NRXN3: variants seen among roughly 807,000 people sequenced by gnomAD.
NRXN3 encodes the protein neurexin III.
A neutral mutation model predicts 137.6 loss-of-function variants in NRXN3; 32 were observed. The observed-to-expected ratio is 0.23, with a 90% CI of 0.18 to 0.31. The LOEUF (loss-of-function observed/expected upper bound fraction) is 0.31, where lower values mean the gene tolerates loss of function less well. Among genes scored for constraint, NRXN3 ranks in the 10% least tolerant of loss-of-function variants. The pLI is 1.00. For synonymous variants in NRXN3, 798 were observed against 784.5 expected, an observed-to-expected ratio of 1.02 and a Z score of -0.29; for missense variants, 1,574 against 2,062.5, an observed-to-expected ratio of 0.76 and a Z score of 4.59.
At chr14:78,469,774 C>T (rs1449443168) in intron 4 of NRXN3, among the ~76,000 whole-genome samples, 2 of 152,206 alleles carry the variant, frequency 1.3e-5, no homozygotes, top group Admixed American at 6.5e-5. Context: ...GCTTTCTTTA[C>T]AGTAGCACCT....
chr14:78,555,585 C>A (rs1197858086), intron 4 of NRXN3, among the ~76,000 whole-genome samples: 2 of 152,216 alleles, frequency 1.3e-5, no homozygotes, highest in Non-Finnish European at 2.9e-5. Flanking sequence ...TTGACTTGAA[C>A]AGTCACCAGG....
At chr14:78,219,836 A>C (rs1190285818) in intron 1 of NRXN3, among the ~76,000 whole-genome samples, 1 of 152,128 alleles carries the variant, frequency 6.6e-6, no homozygotes, top group Admixed American at 6.5e-5. Context: ...AAGGAGAGAG[A>C]GGTTGGAAGT....
At chr14:79,419,167 C>T (rs1055988741) in intron 15 of NRXN3, among the ~76,000 whole-genome samples, 2 of 152,186 alleles carry the variant, frequency 1.3e-5, no homozygotes, top group African/African-American at 4.8e-5. Context: ...TGCTCATCAA[C>T]ATCTTGAAAG....
chr14:79,334,026 A>G (rs2092029751), intron 15 of NRXN3, among the ~76,000 whole-genome samples: 1 of 152,218 alleles, frequency 6.6e-6, no homozygotes, highest in African/African-American at 2.4e-5. Flanking sequence ...TGTGAAATTG[A>G]AAGCAGCATG....
chr14:79,085,727 GGAGA>G (rs897662051), intron 15 of NRXN3, among the ~76,000 whole-genome samples: 80 of 152,186 alleles, frequency 5.3e-4, no homozygotes, highest in African/African-American at 1.7e-3. Context: ...GAAGAAACGA[GGAGA>G]GAGAGGGAAA....
chr14:79,352,327 T>C (rs1274526157), intron 15 of NRXN3, among the ~76,000 whole-genome samples: 1 of 152,132 alleles, frequency 6.6e-6, no homozygotes, highest in African/African-American at 2.4e-5. Context: ...TGTTCTTTCA[T>C]CCAGTTATTT....
intron 15 of NRXN3, among the ~76,000 whole-genome samples, chr14:79,088,993 A>G (rs1308757239): frequency 1.3e-5 from 2 of 152,100 alleles, no homozygotes; most frequent in African/African-American, 2.4e-5. Flanking sequence ...CCCCAAAGAC[A>G]TGGTTTCATG....
intron 16 of NRXN3, among the ~76,000 whole-genome samples, chr14:79,482,899 G>A (rs1021973790): frequency 6.6e-6 from 1 of 152,140 alleles, no homozygotes; most frequent in Non-Finnish European, 1.5e-5. Flanking sequence ...TAGTACAAAT[G>A]AGGTTTTTCC....
At chr14:79,240,758 C>T (rs1275270858) in intron 15 of NRXN3, among the ~76,000 whole-genome samples, 1 of 152,004 alleles carries the variant, frequency 6.6e-6, no homozygotes, top group Admixed American at 6.6e-5. Context: ...AGATAAAACA[C>T]AGAGCAGTGT....
chr14:79,708,136 CTAACTG>C (rs2098788555), intron 19 of NRXN3, among the ~76,000 whole-genome samples: 2 of 6,644 alleles, frequency 3.0e-4, no homozygotes, highest in Non-Finnish European at 4.7e-4. Flanking sequence ...ATTCAACCAA[CTAACTG>C]TGAATCAAAA....
intron 4 of NRXN3, among the ~76,000 whole-genome samples, chr14:78,499,356 C>T (rs1171705724): frequency 6.6e-6 from 1 of 152,120 alleles, no homozygotes; most frequent in East Asian, 1.9e-4. Flanking sequence ...AAACCTAATG[C>T]AAGATATTCA....
At chr14:78,224,728 A>G (rs1007711368) in intron 1 of NRXN3, among the ~76,000 whole-genome samples, 6 of 149,122 alleles carry the variant, frequency 4.0e-5, no homozygotes, top group African/African-American at 1.5e-4. Flanking sequence ...TAGTGCCACA[A>G]TAAACATACG....
At chr14:79,366,654 T>C (rs573882060) in intron 15 of NRXN3, among the ~76,000 whole-genome samples, 2 of 152,218 alleles carry the variant, frequency 1.3e-5, no homozygotes, top group Non-Finnish European at 2.9e-5. Flanking sequence ...TCATTTACAG[T>C]AGCTTGCTGC....
chr14:79,050,019 A>C (rs2152566763), intron 15 of NRXN3, among the ~76,000 whole-genome samples: 1 of 152,324 alleles, frequency 6.6e-6, no homozygotes, highest in South Asian at 2.1e-4. Flanking sequence ...AGAAACAGGA[A>C]TATCATAACA....
chr14:79,655,085 A>G (rs1223558788), intron 16 of NRXN3, among the ~76,000 whole-genome samples: 1 of 152,194 alleles, frequency 6.6e-6, no homozygotes, highest in Admixed American at 6.6e-5. Flanking sequence ...AGAGCTGATC[A>G]TGCATATTCT....
chr14:78,625,540 A>T (rs911091829), intron 4 of NRXN3, among the ~76,000 whole-genome samples: 1 of 152,214 alleles, frequency 6.6e-6, no homozygotes, highest in East Asian at 1.9e-4. Flanking sequence ...CCAGGGAGGC[A>T]TGGTTCTCTT....
Position 78,465,359 on chromosome 14 carries a change from A to G in NRXN3, c.757+167499A>G, listed in dbSNP as rs138737012. Among the ~76,000 whole-genome samples, 137 of 152,322 alleles carry G rather than the reference A, an allele frequency of 9.0e-4. 2 individuals carry two copies. In the East Asian group the frequency reaches 0.023, roughly 26 times the overall value. ...AGAGCCATTAAAAATTAAAATTTTG[A>G]GAACTATTAAATGATGTGATAAAAT... On this transcript the variant is annotated intron_variant, in intron 4 of 20. Transcript: ENST00000335750.
intron 4 of NRXN3, among the ~76,000 whole-genome samples, chr14:78,594,734 A>C (rs1394978415): frequency 6.6e-6 from 1 of 152,180 alleles, no homozygotes; most frequent in Admixed American, 6.5e-5. Flanking sequence ...ACTGTGGGCT[A>C]TGCTTTCTTC....
intron 6 of NRXN3, among the ~76,000 whole-genome samples, chr14:78,690,120 A>G (rs2098158849): frequency 6.6e-6 from 1 of 152,020 alleles, no homozygotes; most frequent in Non-Finnish European, 1.5e-5. Flanking sequence ...AATATTCATC[A>G]TTATTTTCTG....
Sources: allele counts gnomAD v4.1 joint callset (sites outside exome capture counted in the v4.1 genomes callset), GRCh38; gene constraint gnomAD v4.1.1; transcripts MANE v1.5; gene names NCBI Gene and HGNC (gene_info 2026-07-23, HGNC 2026-07-21).